GALNS: variants seen among roughly 807,000 people sequenced by gnomAD.
GALNS encodes the protein galactosamine (N-acetyl)-6-sulfatase.
In GALNS, 65 loss-of-function variants were observed where a neutral mutation model predicts 65.9. The observed-to-expected ratio is 0.99, with a 90% CI of 0.81 to 1.21. GALNS has a LOEUF of 1.21. GALNS is among the 50% of genes most tolerant of loss of function. GALNS has a pLI of 0.00. For synonymous variants in GALNS, 346 were observed against 288.9 expected, an observed-to-expected ratio of 1.20 and a Z score of -2.00; for missense variants, 776 against 700.7, an observed-to-expected ratio of 1.11 and a Z score of -1.21.
In GALNS at chr16:88,836,282, G is replaced by A. The variant is rs371331659; in HGVS notation, c.567-15C>T. ...CTTCATAATATCTGAAAAGAACACAGATCCAGACAGACTTCAGAATTTAGG... is the reference window on the plus strand; with the variant it reads ...CTTCATAATATCTGAAAAGAACACAAATCCAGACAGACTTCAGAATTTAGG... On this transcript the variant is annotated splice_polypyrimidine_tract_variant and intron_variant, in intron 5 of 13. Coordinates refer to ENST00000268695, the MANE Select transcript of GALNS (RefSeq NM_000512.5). 4.1e-5 allele frequency: 66 copies of A among 1,602,856 alleles called. No homozygotes were observed. The highest frequency in any genetic ancestry group is 5.4e-5 in the Non-Finnish European group (63 of 1,172,968).
chr16:88,827,931 G>A (rs113172687), intron 9 of GALNS, among the ~76,000 whole-genome samples: 8 of 152,198 alleles, frequency 5.3e-5, no homozygotes, highest in African/African-American at 1.4e-4. Context: ...GGGCACCCTC[G>A]CCGCCTGCAG....
intron 8 of GALNS, among the ~76,000 whole-genome samples, chr16:88,834,257 C>T (rs1321345326): frequency 1.3e-5 from 2 of 152,256 alleles, no homozygotes; most frequent in African/African-American, 4.8e-5. Flanking sequence ...CTGAAGCCCC[C>T]AATCCCCGCA....
At chr16:88,847,343 C>T (rs1271741620) in intron 1 of GALNS, among the ~76,000 whole-genome samples, 1 of 152,092 alleles carries the variant, frequency 6.6e-6, no homozygotes, top group African/African-American at 2.4e-5. Context: ...GGCAGTCCAG[C>T]CTAGGTAACA....
In GALNS at chr16:88,856,831, A is replaced by G; in HGVS notation, c.47T>C (p.Val16Ala). The G allele has an allele frequency of 2.0e-6, 3 of 1,523,376 alleles. No individual in the cohort carries two copies. Among genetic ancestry groups the G allele is most frequent in the African/African-American group, 1.4e-5 (1 of 69,730 alleles). 94.4% of individuals were successfully genotyped at this position (1,523,376 alleles called of 1,614,324 possible). Residue 16 changes from valine to alanine, a missense_variant, in exon 1 of 14, where the codon GTG becomes GCG. Physicochemically the swap from Val to Ala is moderately conservative, Grantham distance 64. Coordinates refer to ENST00000268695, the MANE Select transcript of GALNS (RefSeq NM_000512.5). ...AATRWWQLLLVLSAAGMGASG... is the reference protein window; with the variant it reads ...AATRWWQLLLALSAAGMGASG... The stretch of plus-strand genomic sequence containing the variant: ...GGCCCCCATCCCCGCGGCGCTGAGC[A>G]CCAGCAACAGCTGCCACCACCTCGT...
At chr16:88,820,392 G>A (rs1056160800) in intron 12 of GALNS, among the ~76,000 whole-genome samples, 2 of 152,214 alleles carry the variant, frequency 1.3e-5, no homozygotes, top group African/African-American at 4.8e-5. Context: ...GCCTCCCAAA[G>A]TGCTGGGATT....
Position 88,832,006 on chromosome 16 carries a change from C to G in GALNS, c.994G>C (p.Ala332Pro). 6.2e-7 allele frequency: 1 copy of G among 1,613,278 alleles called. No individual in the cohort carries two copies. Among genetic ancestry groups the G allele is most frequent in the Non-Finnish European group, 8.5e-7 (1 of 1,179,670 alleles). ...ALAWWPGHVT[A>P]GQVSHQLGSI... ...GGTGGACGCTGACTCACCTGGCCTG[C>G]AGTGACGTGCCCTGGCCACCATGCG... Residue 332 changes from alanine to proline, a missense_variant, in exon 9 of 14, where the codon GCA becomes CCA. Ala to Pro is a conservative substitution (Grantham distance 27, BLOSUM62 -1). Transcript: ENST00000268695.
intron 4 of GALNS, 158 bp from the exon 5 acceptor site, chr16:88,837,923 A>G (rs1394457188): frequency 1.4e-6 from 1 of 719,840 alleles, no homozygotes; most frequent in African/African-American, 1.8e-5. Context: ...ACAAAAGACC[A>G]AGGCCTCACC....
chr16:88,816,809 C>A, intron 13 of GALNS: 2 of 985,484 alleles, frequency 2.0e-6, no homozygotes, highest in Non-Finnish European at 2.4e-6. Context: ...GCCTTTTCGC[C>A]CGCACAGCAG....
At chr16:88,833,381 C>G (rs576653625) in intron 8 of GALNS, among the ~76,000 whole-genome samples, 78 of 152,120 alleles carry the variant, frequency 5.1e-4, no homozygotes, top group Non-Finnish European at 1.1e-3. Context: ...AGGGGACACT[C>G]AGGCTCACAG....
At chr16:88,816,635 C>G (rs1438065055) in intron 13 of GALNS, 1 of 985,080 alleles carries the variant, frequency 1.0e-6, no homozygotes, top group East Asian at 1.1e-4. Context: ...GTCCTCACTG[C>G]TGGTAGGTGC....
chr16:88,848,513 G>T (rs1367879491), intron 1 of GALNS, among the ~76,000 whole-genome samples: 1 of 150,804 alleles, frequency 6.6e-6, no homozygotes. Flanking sequence ...GGCGCCTGTG[G>T]TCCCAGCTAC....
intron 13 of GALNS, chr16:88,815,886 G>A (rs767492231): frequency 5.2e-5 from 51 of 985,268 alleles, no homozygotes; most frequent in South Asian, 1.4e-4. Flanking sequence ...CTCAAAGGCC[G>A]CTCAGCTGTC....
chr16:88,835,676 A>G, intron 7 of GALNS, 49 bp downstream of exon 7: 7 of 1,612,174 alleles, frequency 4.3e-6, no homozygotes, highest in Non-Finnish European at 5.9e-6. Context: ...GGAGTCAAGC[A>G]CAGCTGGGGC....
At chr16:88,847,502 G>C (rs993143587) in intron 1 of GALNS, among the ~76,000 whole-genome samples, 1 of 152,250 alleles carries the variant, frequency 6.6e-6, no homozygotes, top group Non-Finnish European at 1.5e-5. Context: ...GGGACCTTGA[G>C]GAGGGCTGTG....
intron 1 of GALNS, chr16:88,855,009 A>ACCCCACCC: frequency 2.9e-6 from 1 of 339,010 alleles, no homozygotes; most frequent in Non-Finnish European, 5.7e-6. Flanking sequence ...CGGTGGCCAC[A>ACCCCACCC]CCCCACCCCT....
intron 12 of GALNS, among the ~76,000 whole-genome samples, chr16:88,820,786 G>A (rs1006203570): frequency 1.3e-5 from 2 of 152,218 alleles, no homozygotes; most frequent in African/African-American, 4.8e-5. Context: ...CAGTGGACGC[G>A]AGGGGGCACC....
Position 88,835,614 on chromosome 16 carries a change from C to G in GALNS, c.758+111G>C. 7.8e-6 allele frequency: 12 copies of G among 1,538,792 alleles called. 1 individual carries two copies. The highest frequency in any genetic ancestry group is 1.1e-5 in the Non-Finnish European group (12 of 1,122,350). Reference sequence around the variant, plus strand: ...ACGGCTTCAAAGGGGTGGGGTTGCTCTGGCCTTTCCATAATTGGCCTAAAT... The same window carrying G: ...ACGGCTTCAAAGGGGTGGGGTTGCTGTGGCCTTTCCATAATTGGCCTAAAT... On this transcript the variant is annotated intron_variant, in intron 7 of 13. Coordinates refer to ENST00000268695, the MANE Select transcript of GALNS (RefSeq NM_000512.5).
rs1387931898 is a variant in GALNS at position 88,818,059 on chromosome 16, T to G, written c.1430A>C (p.Glu477Ala). Residue 477 changes from glutamate (E) to alanine (A), a missense_variant, in exon 13 of 14, where the codon GAG becomes GCG. By Grantham distance (107) the Glu-to-Ala change is moderately radical. Coordinates refer to ENST00000268695, the MANE Select transcript of GALNS (RefSeq NM_000512.5). ...RITSVVQQHQ[E>A]ALVPAQPQLN... ...CTGGGGCTGCGCGGGGACCAAGGCC[T>G]CCTGGTGCTGCTGGACGACCGAGGT... is the stretch of plus-strand genomic sequence containing the variant. 2.5e-6 allele frequency: 4 copies of G among 1,579,222 alleles called. No homozygotes were observed. In the South Asian group the frequency reaches 3.5e-5, roughly 14 times the overall value.
chr16:88,854,980 C>A, intron 1 of GALNS: 1 of 335,930 alleles, frequency 3.0e-6, no homozygotes, highest in South Asian at 2.3e-5. Flanking sequence ...CTTCCTGTCA[C>A]CCTCCCCCAC....
Sources: allele counts gnomAD v4.1 joint callset (sites outside exome capture counted in the v4.1 genomes callset), GRCh38; gene constraint gnomAD v4.1.1; transcripts MANE v1.5; gene names NCBI Gene and HGNC (gene_info 2026-07-23, HGNC 2026-07-21).